Variants in CREG2 observed in about 807,000 individuals in gnomAD.
The protein encoded by CREG2 is cellular repressor of E1A stimulated genes 2, also known as protein CREG2.
CREG2 carries 24 observed loss-of-function variants against 26.2 expected under a neutral mutation model. The observed-to-expected ratio is 0.92, with a 90% CI of 0.66 to 1.29. The LOEUF (loss-of-function observed/expected upper bound fraction) is 1.29, where lower values mean the gene tolerates loss of function less well. CREG2 is among the 50% of genes most tolerant of loss of function. The pLI is 0.00. For synonymous variants in CREG2, 174 were observed against 169.2 expected, an observed-to-expected ratio of 1.03 and a Z score of -0.22; for missense variants, 366 against 398.6, an observed-to-expected ratio of 0.92 and a Z score of 0.70.
chr2:101,367,455 A>T (rs1242375300), intron 2 of CREG2, among the ~76,000 whole-genome samples: 2 of 152,224 alleles, frequency 1.3e-5, no homozygotes, highest in Non-Finnish European at 2.9e-5. Context: ...TGTATTATAA[A>T]TAAGTGCAAT....
intron 2 of CREG2, among the ~76,000 whole-genome samples, chr2:101,366,800 C>T (rs552575778): frequency 1.3e-4 from 20 of 151,992 alleles, no homozygotes; most frequent in African/African-American, 3.1e-4. Context: ...CCAGCCTGGG[C>T]GACAGAGTGA....
At position 101,347,121 on chromosome 2, in the gene CREG2, G is replaced by A. The variant is rs1684319269; in HGVS notation, c.*3802C>T. ...TTTGCTCACTCAGCACAATTCTCTG[G>A]AATTCATCCCAGTGGTTGCCCATGT... is the stretch of plus-strand genomic sequence containing the variant. On this transcript the variant is annotated 3_prime_UTR_variant, in exon 4 of 4. Coordinates refer to ENST00000324768, the MANE Select transcript of CREG2 (RefSeq NM_153836.4). 6.6e-6 allele frequency: 1 copy of A among 152,142 alleles called. No individual in the cohort carries two copies. The highest frequency in any genetic ancestry group is 2.4e-5 in the African/African-American group (1 of 41,436). The allele number at this position is 152,142 out of a possible 1,614,324, so 9.4% of individuals were successfully genotyped here.
At chr2:101,382,443 G>T in intron 2 of CREG2, 7 of 785,618 alleles carry the variant, frequency 8.9e-6, no homozygotes, top group Non-Finnish European at 1.1e-5. Context: ...AAAAAAAAAA[G>T]AGTAAGAAAA....
chr2:101,360,124 T>C (rs1283303920), intron 2 of CREG2, among the ~76,000 whole-genome samples: 2 of 152,242 alleles, frequency 1.3e-5, no homozygotes, highest in Non-Finnish European at 2.9e-5. Context: ...ACTCCCTTTT[T>C]TTCTTTCAAA....
At chr2:101,385,820 T>C (rs1325756986) in intron 1 of CREG2, among the ~76,000 whole-genome samples, 1 of 152,222 alleles carries the variant, frequency 6.6e-6, no homozygotes. Flanking sequence ...TTAAATCAAA[T>C]GTCAATAAGG....
At chr2:101,355,637 AT>A (rs1684446143) in intron 2 of CREG2, among the ~76,000 whole-genome samples, 1 of 139,834 alleles carries the variant, frequency 7.2e-6, no homozygotes, top group Admixed American at 7.2e-5. Context: ...AAAAGTGCAC[AT>A]TTGAGGGTGG....
intron 2 of CREG2, among the ~76,000 whole-genome samples, chr2:101,359,412 T>C (rs936830762): frequency 2.6e-5 from 4 of 152,210 alleles, no homozygotes; most frequent in African/African-American, 9.6e-5. Context: ...TAAGGTCACA[T>C]ACCAGTTAAA....
chr2:101,352,048 AT>A (rs60682919), intron 3 of CREG2, among the ~76,000 whole-genome samples: 19,256 of 149,110 alleles, frequency 0.13, 1,428 homozygotes, highest in East Asian at 0.22. Flanking sequence ...TTTAAAAAAA[AT>A]TTTTTTTTTT....
rs771725781 is a variant in CREG2, at chr2:101,383,672, G to T, written c.472C>A (p.Pro158Thr). 33 of 1,610,700 alleles carry T rather than the reference G, an allele frequency of 2.0e-5. No individual in the cohort carries two copies. The South Asian group carries it at 3.6e-4, about 18-fold the overall frequency. ...IQGLPFGNCL[P>T]VSDGPFNNST... ...TTGTTGAAGGGGCCATCACTGACGG[G>T]CAGGCAGTTCCCAAATGGCAGTCCT... is the stretch of plus-strand genomic sequence containing the variant. The change falls in exon 2 of 4, where the codon CCC becomes ACC. Residue 158 changes from proline (P) to threonine (T), a missense_variant. Physicochemically the swap from Pro to Thr is conservative, Grantham distance 38. Transcript: ENST00000324768.
At chr2:101,358,039 G>A (rs1354546070) in intron 2 of CREG2, among the ~76,000 whole-genome samples, 1 of 150,968 alleles carries the variant, frequency 6.6e-6, no homozygotes, top group Non-Finnish European at 1.5e-5. Context: ...TGTCTCCCAG[G>A]CTGGAGTGCA....
intron 3 of CREG2, among the ~76,000 whole-genome samples, chr2:101,354,055 C>T (rs1284362922): frequency 1.3e-5 from 2 of 152,030 alleles, no homozygotes; most frequent in Non-Finnish European, 2.9e-5. Flanking sequence ...CAGCAAACCA[C>T]CATGGCACAT....
chr2:101,351,198 G>C, intron 3 of CREG2, 128 bp from the exon 4 acceptor site: 2 of 868,456 alleles, frequency 2.3e-6, no homozygotes, highest in Non-Finnish European at 3.4e-6. Flanking sequence ...GCCAGAGGCA[G>C]AACCAGGGAG....
chr2:101,353,724 T>C (rs569822863), intron 3 of CREG2, among the ~76,000 whole-genome samples: 11 of 152,254 alleles, frequency 7.2e-5, no homozygotes, highest in Non-Finnish European at 1.3e-4. Context: ...CAAATGCCCA[T>C]CAATAATAGA....
chr2:101,387,372 G>C lies in CREG2; in HGVS notation c.86C>G (p.Ala29Gly). 1 of 1,465,684 alleles carries C rather than the reference G, an allele frequency of 6.8e-7. No homozygotes were observed. Among genetic ancestry groups the C allele is most frequent in the Non-Finnish European group, 9.1e-7 (1 of 1,100,524 alleles). The allele number at this position is 1,465,684 out of a possible 1,614,324, so 90.8% of individuals were successfully genotyped here. ...GGAGCTCACGATCACGTAGCCCGCG[G>C]CCGGGGACAGCAGGGCGCTGCAGCA... ...LLCCSALLSP[A>G]AGYVIVSSVS... The change falls in exon 1 of 4, where the codon GCC (alanine) becomes GGC (glycine). Residue 29 changes from alanine to glycine, a missense_variant. By Grantham distance (60) the Ala-to-Gly change is moderately conservative (BLOSUM62 0). Transcript: ENST00000324768. This position sits in a 1 kb window ranked among gnomAD's most constrained non-coding sequence, Gnocchi z 4.7.
intron 2 of CREG2, among the ~76,000 whole-genome samples, chr2:101,359,557 G>A (rs1684510533): frequency 6.6e-6 from 1 of 152,186 alleles, no homozygotes; most frequent in African/African-American, 2.4e-5. Context: ...GGCACTGGGT[G>A]TGACCAATTA....
At chr2:101,381,228 C>A (rs1168526878) in intron 2 of CREG2, among the ~76,000 whole-genome samples, 1 of 152,198 alleles carries the variant, frequency 6.6e-6, no homozygotes, top group Non-Finnish European at 1.5e-5. Context: ...TCCTTCGAAG[C>A]TCTACCCAGG....
rs973758409 is a variant in CREG2, at chr2:101,346,698, C to T, written c.*4225G>A. 1 of 152,152 alleles carries T rather than the reference C, an allele frequency of 6.6e-6. No homozygotes were observed. The highest frequency in any genetic ancestry group is 2.4e-5 in the African/African-American group (1 of 41,428). 9.4% of individuals were successfully genotyped at this position (152,152 alleles called of 1,614,324 possible). A position where few individuals can be genotyped will look rare whatever the true frequency, so the allele number is the denominator to read the frequency against. On this transcript the variant is annotated 3_prime_UTR_variant, in exon 4 of 4. Transcript: ENST00000324768. ...ACTAATAAGAGAGAGAGTATAAATGCTTTATTAAGCTAAGCCCTAAATCTT... is the reference window on the plus strand; with the variant it reads ...ACTAATAAGAGAGAGAGTATAAATGTTTTATTAAGCTAAGCCCTAAATCTT...
At chr2:101,382,165 T>C (rs1421292033) in intron 2 of CREG2, 1 of 152,230 alleles carries the variant, frequency 6.6e-6, no homozygotes, top group Non-Finnish European at 1.5e-5. Flanking sequence ...CTTAGAAAGG[T>C]ATCCTGGATT....
intron 2 of CREG2, among the ~76,000 whole-genome samples, chr2:101,370,132 C>T (rs1184186325): frequency 6.6e-6 from 1 of 152,168 alleles, no homozygotes; most frequent in East Asian, 1.9e-4. Context: ...CCCTCTGTGC[C>T]TCAGTTTCCT....
Sources: allele counts gnomAD v4.1 joint callset (sites outside exome capture counted in the v4.1 genomes callset), GRCh38; gene constraint gnomAD v4.1.1; non-coding constraint Gnocchi (gnomAD v3.1); transcripts MANE v1.5; gene names NCBI Gene and HGNC (gene_info 2026-07-23, HGNC 2026-07-21).